Variants in FHIT observed in about 807,000 individuals in gnomAD.
The protein encoded by FHIT is fragile histidine triad diadenosine triphosphatase, also known as bis(5'-adenosyl)-triphosphatase.
In FHIT, 19 loss-of-function variants were observed where a neutral mutation model predicts 17.9. That is an observed-to-expected ratio of 1.06 (90% confidence interval 0.74 to 1.56). The LOEUF (loss-of-function observed/expected upper bound fraction) is 1.56, where lower values mean the gene tolerates loss of function less well. Ranked by LOEUF, FHIT falls within the 40% of genes most tolerant of loss-of-function variation. The probability of loss-of-function intolerance (pLI) is 0.00; values close to 1 mark genes in which losing one functional copy is unlikely to be tolerated. For missense variants in FHIT, 248 were observed against 189.2 expected, an observed-to-expected ratio of 1.31 and a Z score of -1.82; for synonymous variants, 81 against 69.7, an observed-to-expected ratio of 1.16 and a Z score of -0.81.
At chr3:61,069,981 G>C (rs564665236) in intron 2 of FHIT, among the ~76,000 whole-genome samples, 1 of 152,154 alleles carries the variant, frequency 6.6e-6, no homozygotes, top group Admixed American at 6.5e-5. Flanking sequence ...GTGCGATCTC[G>C]GCTCACTGCA....
intron 2 of FHIT, among the ~76,000 whole-genome samples, chr3:61,168,801 T>G (rs1024907739): frequency 6.6e-6 from 1 of 152,250 alleles, no homozygotes; most frequent in Admixed American, 6.5e-5. Context: ...TCTGGGCGGA[T>G]AGTTAACTCA....
intron 5 of FHIT, among the ~76,000 whole-genome samples, chr3:60,210,605 A>C (rs1421996750): frequency 6.6e-6 from 1 of 152,184 alleles, no homozygotes; most frequent in Non-Finnish European, 1.5e-5. Flanking sequence ...TGAACTGATT[A>C]GCTCATAAAT....
intron 5 of FHIT, among the ~76,000 whole-genome samples, chr3:60,447,707 C>G (rs556090428): frequency 6.6e-6 from 1 of 152,088 alleles, no homozygotes. Flanking sequence ...TATCAGGGAG[C>G]AAGATGGAGA....
intron 4 of FHIT, among the ~76,000 whole-genome samples, chr3:60,705,776 T>C (rs1223376509): frequency 6.6e-6 from 1 of 152,160 alleles, no homozygotes; most frequent in Non-Finnish European, 1.5e-5. Context: ...GTTAAGAAGC[T>C]ACACATGCGT....
chr3:60,315,222 CT>C (rs1709113269), intron 5 of FHIT, among the ~76,000 whole-genome samples: 1 of 152,136 alleles, frequency 6.6e-6, no homozygotes, highest in African/African-American at 2.4e-5. Flanking sequence ...CACCCACAAC[CT>C]TGGGAGACAT....
chr3:60,138,356 C>T (rs192983521), intron 5 of FHIT, among the ~76,000 whole-genome samples: 3 of 152,224 alleles, frequency 2.0e-5, no homozygotes, highest in South Asian at 4.1e-4. Flanking sequence ...GGCTAGGAAT[C>T]CAGGTAACAA....
chr3:60,024,875 A>T (rs1227317824), intron 5 of FHIT, among the ~76,000 whole-genome samples: 1 of 152,136 alleles, frequency 6.6e-6, no homozygotes, highest in East Asian at 1.9e-4. Flanking sequence ...GAGAGTGGAG[A>T]TGTATGACAG....
intron 4 of FHIT, among the ~76,000 whole-genome samples, chr3:60,634,450 A>T (rs1260977569): frequency 6.6e-6 from 1 of 152,224 alleles, no homozygotes; most frequent in Non-Finnish European, 1.5e-5. Flanking sequence ...AATATTTCTG[A>T]GGCACATCAA....
chr3:60,536,672 G>A, intron 5 of FHIT, 188 bp downstream of exon 5: 2 of 517,976 alleles, frequency 3.9e-6, no homozygotes, highest in East Asian at 3.2e-5. Flanking sequence ...CATATTACTG[G>A]TGCCACCAAC....
intron 2 of FHIT, among the ~76,000 whole-genome samples, chr3:61,122,539 A>C (rs919334641): frequency 6.6e-6 from 1 of 152,270 alleles, no homozygotes; most frequent in African/African-American, 2.4e-5. Context: ...TCTGCACAGC[A>C]AAAGAAACTA....
chr3:60,774,986 TG>T (rs1700172267), intron 4 of FHIT, among the ~76,000 whole-genome samples: 1 of 152,204 alleles, frequency 6.6e-6, no homozygotes, highest in African/African-American at 2.4e-5. Context: ...CAGCAGATAA[TG>T]GGGAACTACT....
At chr3:59,763,524 A>G (rs1227896787) in intron 8 of FHIT, among the ~76,000 whole-genome samples, 2 of 152,248 alleles carry the variant, frequency 1.3e-5, no homozygotes, top group Admixed American at 1.3e-4. Context: ...TCATTCAATT[A>G]TTCAACAAAT....
chr3:60,872,641 G>T (rs782200372), intron 3 of FHIT, among the ~76,000 whole-genome samples: 10 of 152,054 alleles, frequency 6.6e-5, no homozygotes, highest in Non-Finnish European at 1.2e-4. Flanking sequence ...TCAGTCATTA[G>T]CCCATAACGG....
At chr3:60,518,453 C>A (rs2035238732) in intron 5 of FHIT, among the ~76,000 whole-genome samples, 1 of 152,008 alleles carries the variant, frequency 6.6e-6, no homozygotes, top group Non-Finnish European at 1.5e-5. Flanking sequence ...AAAGGTTAGG[C>A]CAAAACAAAA....
At chr3:59,807,281 G>A (rs1402578822) in intron 8 of FHIT, among the ~76,000 whole-genome samples, 1 of 152,136 alleles carries the variant, frequency 6.6e-6, no homozygotes, top group South Asian at 2.1e-4. Flanking sequence ...TGCGGGTTGG[G>A]GTGCGGAAGA....
intron 5 of FHIT, among the ~76,000 whole-genome samples, chr3:60,397,284 A>T (rs1294915931): frequency 6.6e-6 from 1 of 152,094 alleles, no homozygotes; most frequent in African/African-American, 2.4e-5. Context: ...CACCTAGGAG[A>T]TTACTGGGGG....
chr3:59,836,481 C>T (rs980032206), intron 8 of FHIT, among the ~76,000 whole-genome samples: 1 of 152,182 alleles, frequency 6.6e-6, no homozygotes, highest in East Asian at 1.9e-4. Context: ...TTCTTCCTTT[C>T]CTGGTCCCCT....
At chr3:60,778,113 G>A (rs782080646) in intron 4 of FHIT, among the ~76,000 whole-genome samples, 39 of 152,174 alleles carry the variant, frequency 2.6e-4, no homozygotes, top group Non-Finnish European at 5.0e-4. Flanking sequence ...TTATAGCTGG[G>A]TGAATAATGC....
intron 4 of FHIT, among the ~76,000 whole-genome samples, chr3:60,564,938 A>T (rs1056869140): frequency 2.0e-5 from 3 of 152,176 alleles, no homozygotes; most frequent in African/African-American, 7.2e-5. Context: ...AAATAGCATT[A>T]CATTCTACAG....
Sources: allele counts gnomAD v4.1 joint callset (sites outside exome capture counted in the v4.1 genomes callset), GRCh38; gene constraint gnomAD v4.1.1; transcripts MANE v1.5; gene names NCBI Gene and HGNC (gene_info 2026-07-23, HGNC 2026-07-21).